The following MACROD2 variants were observed in gnomAD, a reference collection of about 807,000 sequenced individuals.
MACROD2 encodes mono-ADP ribosylhydrolase 2, also known as ADP-ribose glycohydrolase MACROD2.
Under a neutral mutation model 70.4 loss-of-function variants are expected in MACROD2, and 36 were observed. That is an observed-to-expected ratio of 0.51 (90% CI 0.39 to 0.68). The LOEUF (loss-of-function observed/expected upper bound fraction) is 0.68, where lower values mean the gene tolerates loss of function less well. Ranked by LOEUF, MACROD2 falls within the 30% of genes least tolerant of loss-of-function variation. MACROD2 has a pLI of 0.00. For synonymous variants in MACROD2, 172 were observed against 178.8 expected, an observed-to-expected ratio of 0.96 and a Z score of 0.30; for missense variants, 496 against 538.4, an observed-to-expected ratio of 0.92 and a Z score of 0.78.
rs143105046 is a variant in MACROD2, at chr20:15,027,644, C to A, written c.419-202296C>A. Among the ~76,000 whole-genome samples, 1,111 of 150,722 alleles carry A rather than the reference C, an allele frequency of 7.4e-3. 16 individuals carry two copies. The highest frequency in any genetic ancestry group is 0.026 in the African/African-American group (1,054 of 40,884). On this transcript the variant is annotated intron_variant, in intron 5 of 17. Coordinates refer to ENST00000684519, the MANE Select transcript of MACROD2 (RefSeq NM_001351661.2). ...AATCCCAGCACTTTTGGAGGCCAAG[C>A]CGGGAGGATTGCTGGAGCCCAGGAG...
At chr20:15,176,916 A>G (rs2076466529) in intron 5 of MACROD2, among the ~76,000 whole-genome samples, 2 of 152,104 alleles carry the variant, frequency 1.3e-5, no homozygotes, top group Admixed American at 6.6e-5. Flanking sequence ...TCCAGATGCC[A>G]CTATATTCCC....
At chr20:14,944,689 A>T (rs1347885837) in intron 5 of MACROD2, among the ~76,000 whole-genome samples, 1 of 152,178 alleles carries the variant, frequency 6.6e-6, no homozygotes, top group Admixed American at 6.5e-5. Context: ...ATGTGTGGGC[A>T]GATGTGGGAT....
At chr20:14,677,011 T>C (rs1411549417) in intron 4 of MACROD2, among the ~76,000 whole-genome samples, 1 of 152,186 alleles carries the variant, frequency 6.6e-6, no homozygotes, top group Non-Finnish European at 1.5e-5. Context: ...GGTTCTCTTT[T>C]ATTTTTATTT....
chr20:14,361,598 T>A (rs1423631800), intron 3 of MACROD2, among the ~76,000 whole-genome samples: 1 of 152,210 alleles, frequency 6.6e-6, no homozygotes, highest in Non-Finnish European at 1.5e-5. Flanking sequence ...CTTCCCTCAT[T>A]CTTCCTAAAT....
At chr20:15,227,832 T>TTGTTG (rs1555794528) in intron 5 of MACROD2, among the ~76,000 whole-genome samples, 2 of 124,722 alleles carry the variant, frequency 1.6e-5, no homozygotes, top group African/African-American at 3.0e-5. Flanking sequence ...TGTTTTTTTT[T>TTGTTG]TTTTTTTTTT....
chr20:14,702,568 CATATATGTGTATATATATGT>C (rs2071211060), intron 5 of MACROD2, among the ~76,000 whole-genome samples: 1 of 60,968 alleles, frequency 1.6e-5, no homozygotes, highest in African/African-American at 7.5e-5. Flanking sequence ...TATATATACA[CATATATGTGTATATATATGT>C]ATATATATGT....
rs1301055246 is a variant in MACROD2, at chr20:14,084,044, A to G, written c.164-1577A>G. On this transcript the variant is annotated intron_variant, in intron 2 of 17. Coordinates refer to ENST00000684519, the MANE Select transcript of MACROD2 (RefSeq NM_001351661.2). ...GCCACTGCACTCCAGCCTGGGCGTC[A>G]GAGCGAGACTCCGTCTCAAAAAAAA... Among the ~76,000 whole-genome samples the G allele has an allele frequency of 2.5e-5, 3 of 122,146 alleles. No individual in the cohort carries two copies. In the Admixed American group the frequency reaches 3.2e-4, roughly 13 times the overall value. The allele number at this position is 122,146 out of a possible 152,430, so 80.1% of individuals were successfully genotyped here.
chr20:16,026,025 TGCCTGTATTCCCAGCTACTGGGGAG>T (rs954623534), intron 15 of MACROD2, among the ~76,000 whole-genome samples: 2 of 149,544 alleles, frequency 1.3e-5, no homozygotes, highest in African/African-American at 4.9e-5. Context: ...TGGTGGTGGG[TGCCTGTATTCCCAGCTACTGGGGAG>T]GCTGAGGCAG....
chr20:15,544,211 C>A (rs967183039), intron 8 of MACROD2, among the ~76,000 whole-genome samples: 1 of 152,138 alleles, frequency 6.6e-6, no homozygotes, highest in Admixed American at 6.5e-5. Flanking sequence ...GATTCTTTGC[C>A]TGGAGTCGTA....
chr20:14,137,443 G>T (rs1446951029), intron 3 of MACROD2, among the ~76,000 whole-genome samples: 3 of 152,100 alleles, frequency 2.0e-5, no homozygotes, highest in Admixed American at 1.3e-4. Flanking sequence ...GTTTCAGCTT[G>T]AAGAACTCCC....
intron 5 of MACROD2, among the ~76,000 whole-genome samples, chr20:14,899,823 C>A (rs2073875061): frequency 6.6e-6 from 1 of 152,108 alleles, no homozygotes; most frequent in Admixed American, 6.6e-5. Flanking sequence ...CAACAACAAA[C>A]CAAACTTTAA....
intron 5 of MACROD2, among the ~76,000 whole-genome samples, chr20:14,762,613 G>A (rs578154395): frequency 6.6e-6 from 1 of 152,206 alleles, no homozygotes; most frequent in South Asian, 2.1e-4. Context: ...GCCTATGTCA[G>A]TGTGGAACTT....
intron 5 of MACROD2, among the ~76,000 whole-genome samples, chr20:14,941,596 G>A (rs1329163914): frequency 1.3e-5 from 2 of 152,042 alleles, no homozygotes; most frequent in African/African-American, 2.4e-5. Flanking sequence ...CTTCTCTGTA[G>A]CCCTGGAAAC....
intron 6 of MACROD2, among the ~76,000 whole-genome samples, chr20:15,240,091 A>G (rs1219170038): frequency 1.3e-5 from 2 of 152,172 alleles, no homozygotes; most frequent in African/African-American, 4.8e-5. Flanking sequence ...AGTATCACCA[A>G]TGGGAGGATA....
At chr20:14,966,195 G>T (rs2074634894) in intron 5 of MACROD2, among the ~76,000 whole-genome samples, 1 of 152,124 alleles carries the variant, frequency 6.6e-6, no homozygotes, top group Non-Finnish European at 1.5e-5. Flanking sequence ...TTTGACGATG[G>T]ATTATGTTTT....
chr20:14,166,091 G>C lies in MACROD2; in HGVS notation c.271+80363G>C, dbSNP rs1050987430. On this transcript the variant is annotated intron_variant, in intron 3 of 17. Coordinates refer to ENST00000684519, the MANE Select transcript of MACROD2 (RefSeq NM_001351661.2). The stretch of plus-strand genomic sequence containing the variant: ...AATAAATAATGTATCAATAGTGAAT[G>C]ATTTATCATAAGTAAATGGTAAAAT... Among the ~76,000 whole-genome samples, 147 of 152,228 alleles carry C rather than the reference G, an allele frequency of 9.7e-4. 1 individual carries two copies. The highest frequency in any genetic ancestry group is 3.4e-3 in the African/African-American group (140 of 41,560).
chr20:14,875,096 A>G (rs1466887726), intron 5 of MACROD2, among the ~76,000 whole-genome samples: 4 of 151,682 alleles, frequency 2.6e-5, no homozygotes, highest in South Asian at 2.1e-4. Context: ...AGAAAAGACT[A>G]TTTGGGCTGG....
At chr20:15,560,043 C>T (rs2048220678) in intron 8 of MACROD2, among the ~76,000 whole-genome samples, 1 of 152,200 alleles carries the variant, frequency 6.6e-6, no homozygotes, top group Non-Finnish European at 1.5e-5. Flanking sequence ...ACACCACAGC[C>T]ATAATCCATG....
chr20:15,225,083 T>A (rs1263549701), intron 5 of MACROD2, among the ~76,000 whole-genome samples: 1 of 151,932 alleles, frequency 6.6e-6, no homozygotes, highest in Non-Finnish European at 1.5e-5. Context: ...GCTGGCCATG[T>A]AGGAAAAAAA....
Sources: allele counts gnomAD v4.1 joint callset (sites outside exome capture counted in the v4.1 genomes callset), GRCh38; gene constraint gnomAD v4.1.1; transcripts MANE v1.5; gene names NCBI Gene and HGNC (gene_info 2026-07-23, HGNC 2026-07-21).